MRPS18B: variants seen among roughly 807,000 people sequenced by gnomAD.
MRPS18B encodes mitochondrial ribosomal protein S18B.
A neutral mutation model predicts 28.4 loss-of-function variants in MRPS18B; 27 were observed. The ratio of observed to expected loss-of-function variants is 0.95; its 90% CI spans 0.70 to 1.31. The LOEUF is 1.31. Ranked by LOEUF, MRPS18B falls within the 40% of genes most tolerant of loss-of-function variation. The pLI, the probability that MRPS18B is intolerant of heterozygous loss-of-function variation, is 0.00. For missense variants in MRPS18B, 343 were observed against 335.9 expected (o/e 1.02, Z -0.17); for synonymous variants, 118 against 123.7 (o/e 0.95, Z 0.30).
Position 30,625,869 on chromosome 6 carries a change from G to C in MRPS18B, c.*72G>C. On this transcript the variant is annotated 3_prime_UTR_variant, in exon 7 of 7. Coordinates refer to ENST00000259873, the MANE Select transcript of MRPS18B (RefSeq NM_014046.4). ...TAATCCCAGCACTTTGGGAAGCCAA[G>C]GTGGGCTGATCACTTGATCCCAGGA... The C allele has an allele frequency of 6.8e-7, 1 of 1,473,644 alleles. No individual in the cohort carries two copies. Among genetic ancestry groups the C allele is most frequent in the African/African-American group, 1.4e-5 (1 of 71,346 alleles). The allele number at this position is 1,473,644 out of a possible 1,614,324, so 91.3% of individuals were successfully genotyped here.
intron 4 of MRPS18B, among the ~76,000 whole-genome samples, chr6:30,621,042 A>G (rs904694054): frequency 6.6e-6 from 1 of 152,252 alleles, no homozygotes; most frequent in African/African-American, 2.4e-5. Context: ...GAAGCAAGAT[A>G]GAGTCCATTA....
intron 3 of MRPS18B, 45 bp from the exon 4 acceptor site, chr6:30,619,876 G>T (rs573709114): frequency 1.2e-6 from 2 of 1,611,474 alleles, no homozygotes; most frequent in Non-Finnish European, 1.7e-6. Flanking sequence ...CACTTTTTCT[G>T]ACGTGTTTGA....
At position 30,626,065 on chromosome 6, in the gene MRPS18B, C is replaced by A; in HGVS notation, c.*268C>A. On this transcript the variant is annotated 3_prime_UTR_variant, in exon 7 of 7. Transcript: ENST00000259873. ...AGTGAGTTGCAGTCACACCCCTGCACTCCAGCCTGGGTGACAGCTAGACCC... is the reference window on the plus strand; with the variant it reads ...AGTGAGTTGCAGTCACACCCCTGCAATCCAGCCTGGGTGACAGCTAGACCC... 1 of 424,784 alleles carries A rather than the reference C, an allele frequency of 2.4e-6. No homozygotes were observed. The highest frequency in any genetic ancestry group is 4.2e-6 in the Non-Finnish European group (1 of 239,534). 26.3% of individuals were successfully genotyped at this position (424,784 alleles called of 1,614,324 possible). A position where few individuals can be genotyped will look rare whatever the true frequency, so the allele number is the denominator to read the frequency against.
chr6:30,619,396 C>G, intron 1 of MRPS18B, 97 bp from the exon 2 acceptor site: 1 of 907,308 alleles, frequency 1.1e-6, no homozygotes, highest in Non-Finnish European at 1.7e-6. Context: ...TCCATTAATG[C>G]AGTATGTGTG....
chr6:30,625,833 G>A lies in MRPS18B; in HGVS notation c.*36G>A, dbSNP rs747231378. The A allele has an allele frequency of 3.2e-6, 5 of 1,569,476 alleles. No homozygotes were observed. The highest frequency in any genetic ancestry group is 4.3e-6 in the Non-Finnish European group (5 of 1,151,078). ...CTGGGAAGAGAGGCCAGGCGTGGTGGCTCACTCCTGTAATCCCAGCACTTT... is the reference window on the plus strand; with the variant it reads ...CTGGGAAGAGAGGCCAGGCGTGGTGACTCACTCCTGTAATCCCAGCACTTT... On this transcript the variant is annotated 3_prime_UTR_variant, in exon 7 of 7. Transcript: ENST00000259873.
chr6:30,620,073 T>G, intron 4 of MRPS18B, 84 bp downstream of exon 4: 1 of 1,330,424 alleles, frequency 7.5e-7, no homozygotes, highest in African/African-American at 1.5e-5. Context: ...ATCCCAGCAC[T>G]TTGGGAGGCC....
Position 30,624,769 on chromosome 6 carries a change from G to A in MRPS18B, c.422-114G>A. 4 of 1,141,294 alleles carry A rather than the reference G, an allele frequency of 3.5e-6. No individual in the cohort carries two copies. The South Asian group carries it at 4.3e-5, about 12-fold the overall frequency. 70.7% of individuals were successfully genotyped at this position (1,141,294 alleles called of 1,614,324 possible). The stretch of plus-strand genomic sequence containing the variant: ...AGGTCCATGGAGGGGTCAGGGGAAA[G>A]GGGTCATTAGGTAAAGCCAATCCTT... On this transcript the variant is annotated intron_variant, in intron 5 of 6. Coordinates refer to ENST00000259873, the MANE Select transcript of MRPS18B (RefSeq NM_014046.4).
intron 5 of MRPS18B, among the ~76,000 whole-genome samples, chr6:30,624,166 C>T (rs1165432810): frequency 2.6e-5 from 4 of 151,996 alleles, no homozygotes; most frequent in Non-Finnish European, 5.9e-5. Context: ...GATCTTGGCT[C>T]ACTGCCGTCT....
chr6:30,619,466 C>A (rs771491593), intron 1 of MRPS18B, 27 bp from the exon 2 acceptor site: 3 of 1,578,818 alleles, frequency 1.9e-6, no homozygotes, highest in African/African-American at 1.3e-5. Context: ...TAAACTCATT[C>A]TTTTATTTTT....
intron 5 of MRPS18B, 111 bp from the exon 6 acceptor site, chr6:30,624,772 G>T: frequency 1.7e-6 from 2 of 1,193,458 alleles, no homozygotes; most frequent in African/African-American, 1.5e-5. Flanking sequence ...GGGGAAAGGG[G>T]TCATTAGGTA....
intron 4 of MRPS18B, among the ~76,000 whole-genome samples, chr6:30,621,446 C>T (rs113968136): frequency 0.044 from 6,759 of 152,198 alleles, 278 homozygotes; most frequent in African/African-American, 0.11. Context: ...ATCAATAAAA[C>T]AGATAATGGG....
At chr6:30,620,871 G>A (rs1006091588) in intron 4 of MRPS18B, among the ~76,000 whole-genome samples, 14 of 152,026 alleles carry the variant, frequency 9.2e-5, no homozygotes, top group African/African-American at 1.2e-4. Flanking sequence ...CCCAGCCAGC[G>A]AAATGGCTAT....
In MRPS18B at chr6:30,619,617, G is replaced by A; in HGVS notation, c.187+16G>A. 1 of 1,610,542 alleles carries A rather than the reference G, an allele frequency of 6.2e-7. No homozygotes were observed. The highest frequency in any genetic ancestry group is 8.5e-7 in the Non-Finnish European group (1 of 1,177,734). ...GAATCAGAAGGTACCTCTAAAGGGGGAAAGGGAGGGTCAGATAGGATTTGA... is the reference window on the plus strand; with the variant it reads ...GAATCAGAAGGTACCTCTAAAGGGGAAAAGGGAGGGTCAGATAGGATTTGA... On this transcript the variant is annotated intron_variant, in intron 2 of 6. Transcript: ENST00000259873.
intron 4 of MRPS18B, among the ~76,000 whole-genome samples, chr6:30,620,502 A>G (rs542727295): frequency 6.6e-6 from 1 of 152,122 alleles, no homozygotes; most frequent in East Asian, 1.9e-4. Context: ...ACCTTCTACT[A>G]TGGATTGTAC....
At chr6:30,620,288 G>T (rs1761067725) in intron 4 of MRPS18B, among the ~76,000 whole-genome samples, 1 of 151,774 alleles carries the variant, frequency 6.6e-6, no homozygotes, top group South Asian at 2.1e-4. Flanking sequence ...CCGCACTCTA[G>T]CCTGGGCGAC....
chr6:30,625,252 A>G (rs1271789817), intron 6 of MRPS18B, among the ~76,000 whole-genome samples: 1 of 152,150 alleles, frequency 6.6e-6, no homozygotes, highest in Non-Finnish European at 1.5e-5. Flanking sequence ...AGTAAAAAGT[A>G]TACCCCTCTG....
At chr6:30,620,665 G>A (rs771654804) in intron 4 of MRPS18B, among the ~76,000 whole-genome samples, 6 of 152,020 alleles carry the variant, frequency 3.9e-5, no homozygotes, top group Non-Finnish European at 7.4e-5. Context: ...CGCCTTCTGG[G>A]TTCAAGCGAT....
intron 4 of MRPS18B, 97 bp downstream of exon 4, chr6:30,620,086 G>C: frequency 1.7e-6 from 2 of 1,150,440 alleles, no homozygotes; most frequent in South Asian, 2.5e-5. Context: ...GGGAGGCCAA[G>C]GCAGGTGGAT....
chr6:30,618,345 G>C (rs1218618396), intron 1 of MRPS18B, among the ~76,000 whole-genome samples: 2 of 152,134 alleles, frequency 1.3e-5, no homozygotes, highest in African/African-American at 4.8e-5. Flanking sequence ...CTATGCAAGT[G>C]GTGACTAAAT....
Sources: gnomAD v4.1 joint callset for allele counts (sites outside exome capture counted in the v4.1 genomes callset) on GRCh38, gnomAD v4.1.1 for gene constraint, MANE v1.5 for transcripts, NCBI Gene and HGNC (gene_info 2026-07-23, HGNC 2026-07-21) for gene names.